The following FANCL variants were observed in gnomAD, a reference collection of about 807,000 sequenced individuals.
FANCL encodes the protein FA complementation group L.
In FANCL, 69 loss-of-function variants were observed where a neutral mutation model predicts 59.4. That is an observed-to-expected ratio of 1.16 (90% CI 0.96 to 1.42). FANCL has a LOEUF of 1.42. Ranked by LOEUF, FANCL falls within the 40% of genes most tolerant of loss-of-function variation. FANCL has a pLI of 0.00. For missense variants in FANCL, 519 were observed against 447.2 expected, an observed-to-expected ratio of 1.16 and a Z score of -1.45; for synonymous variants, 180 against 147.1, an observed-to-expected ratio of 1.22 and a Z score of -1.62.
intron 5 of FANCL, among the ~76,000 whole-genome samples, chr2:58,217,592 G>A (rs1424899035): frequency 6.6e-6 from 1 of 151,856 alleles, no homozygotes; most frequent in African/African-American, 2.4e-5. Flanking sequence ...TATTTCTAGA[G>A]ATGAAAAGAA....
At chr2:58,168,743 G>A (rs1686219436) in intron 7 of FANCL, among the ~76,000 whole-genome samples, 1 of 152,018 alleles carries the variant, frequency 6.6e-6, no homozygotes, top group African/African-American at 2.4e-5. Context: ...GTAGACCTGG[G>A]GCACTCAAGC....
chr2:58,183,027 G>T (rs749783345), intron 7 of FANCL, among the ~76,000 whole-genome samples: 5 of 151,746 alleles, frequency 3.3e-5, no homozygotes, highest in African/African-American at 4.8e-5. Flanking sequence ...CTTCTTAGAA[G>T]AGAGTAAATG....
At chr2:58,217,153 A>T (rs1204299830) in intron 5 of FANCL, among the ~76,000 whole-genome samples, 1 of 88,312 alleles carries the variant, frequency 1.1e-5, no homozygotes, top group African/African-American at 3.3e-5. Flanking sequence ...ATTTATATAT[A>T]TATTTATATA....
At chr2:58,189,027 A>G (rs937795184) in intron 7 of FANCL, among the ~76,000 whole-genome samples, 13 of 152,228 alleles carry the variant, frequency 8.5e-5, no homozygotes, top group African/African-American at 2.4e-4. Context: ...GAATTATATA[A>G]GATTCTGTAA....
intron 5 of FANCL, among the ~76,000 whole-genome samples, chr2:58,210,467 TG>T (rs753147862): frequency 2.5e-4 from 38 of 152,298 alleles, no homozygotes; most frequent in Middle Eastern, 3.4e-3. Flanking sequence ...AGATGAGACT[TG>T]GGTAGGGACA....
chr2:58,161,667 G>C (rs374093014), intron 11 of FANCL, 29 bp from the exon 12 acceptor site: 3 of 1,427,708 alleles, frequency 2.1e-6, no homozygotes, highest in Non-Finnish European at 3.0e-6. Flanking sequence ...TATAAAAAGC[G>C]TATGTGTCTC....
chr2:58,235,262 T>C (rs754730197), intron 1 of FANCL, among the ~76,000 whole-genome samples: 4 of 151,856 alleles, frequency 2.6e-5, no homozygotes, highest in African/African-American at 9.7e-5. Flanking sequence ...TCCATGGATA[T>C]GAGGAAAACA....
At chr2:58,229,464 C>A (rs1294211960) in intron 3 of FANCL, among the ~76,000 whole-genome samples, 2 of 152,066 alleles carry the variant, frequency 1.3e-5, no homozygotes, top group African/African-American at 2.4e-5. Context: ...GACTAAAATC[C>A]CATTTTTGCC....
intron 5 of FANCL, among the ~76,000 whole-genome samples, chr2:58,214,025 A>C (rs1023904753): frequency 1.1e-4 from 17 of 152,172 alleles, no homozygotes; most frequent in African/African-American, 3.9e-4. Context: ...CCCTGTCTAT[A>C]TACACTTGTT....
chr2:58,159,887 G>T (rs767861553), intron 13 of FANCL, 87 bp from the exon 14 acceptor site: 3 of 1,585,636 alleles, frequency 1.9e-6, no homozygotes, highest in African/African-American at 1.4e-5. Flanking sequence ...TCATAGAATA[G>T]TGTCATAGTA....
At chr2:58,223,627 C>T (rs971277689) in intron 4 of FANCL, among the ~76,000 whole-genome samples, 6 of 151,910 alleles carry the variant, frequency 3.9e-5, no homozygotes, top group South Asian at 2.1e-4. Context: ...AGGTACATAG[C>T]GGAAAGGCTT....
At position 58,198,623 on chromosome 2, in the gene FANCL, C is replaced by G. The variant is rs1268184066; in HGVS notation, c.511G>C (p.Val171Leu). ...ESPDYFVDFP[V>L]PFCASWTPQS... ...GGTGTCCAGGAGGCACAAAATGGAACAGGAAAATCCACAAAATAATCTGGT... is the reference window on the plus strand; with the variant it reads ...GGTGTCCAGGAGGCACAAAATGGAAGAGGAAAATCCACAAAATAATCTGGT... Residue 171 changes from valine to leucine, a missense_variant, in exon 7 of 14, where the codon GTT (valine) becomes CTT (leucine). Physicochemically the swap from Val to Leu is conservative, Grantham distance 32. Transcript: ENST00000233741. 6.2e-7 allele frequency: 1 copy of G among 1,613,880 alleles called. No individual in the cohort carries two copies. Among genetic ancestry groups the G allele is most frequent in the Non-Finnish European group, 8.5e-7 (1 of 1,179,886 alleles).
At chr2:58,234,860 T>G (rs1573831848) in intron 1 of FANCL, among the ~76,000 whole-genome samples, 1 of 152,076 alleles carries the variant, frequency 6.6e-6, no homozygotes, top group African/African-American at 2.4e-5. Flanking sequence ...CTAGCTATTA[T>G]GGAGTTAAAA....
intron 7 of FANCL, among the ~76,000 whole-genome samples, chr2:58,187,245 A>G (rs1027153744): frequency 6.6e-6 from 1 of 152,144 alleles, no homozygotes; most frequent in Non-Finnish European, 1.5e-5. Flanking sequence ...ATAAAAAAGG[A>G]TGAGTACATG....
intron 7 of FANCL, among the ~76,000 whole-genome samples, chr2:58,177,870 G>T (rs1050936242): frequency 2.7e-5 from 4 of 148,054 alleles, no homozygotes; most frequent in African/African-American, 7.5e-5. Context: ...AAAGAGAGAA[G>T]AATCAAATAG....
chr2:58,183,522 T>C (rs924970079), intron 7 of FANCL, among the ~76,000 whole-genome samples: 5 of 151,928 alleles, frequency 3.3e-5, no homozygotes, highest in Non-Finnish European at 7.4e-5. Flanking sequence ...TCCATGCTCT[T>C]AATCCACTGC....
chr2:58,189,343 A>G (rs1573636711), intron 7 of FANCL, among the ~76,000 whole-genome samples: 2 of 152,352 alleles, frequency 1.3e-5, no homozygotes, highest in Admixed American at 1.3e-4. Flanking sequence ...GTAGATGTGT[A>G]GAAACTAACA....
At chr2:58,236,182 G>A (rs1022441669) in intron 1 of FANCL, among the ~76,000 whole-genome samples, 1 of 151,548 alleles carries the variant, frequency 6.6e-6, no homozygotes, top group African/African-American at 2.4e-5. Flanking sequence ...CTACACCAAG[G>A]TACAACACAC....
At chr2:58,227,682 C>CT (rs1233801640) in intron 3 of FANCL, among the ~76,000 whole-genome samples, 1 of 152,122 alleles carries the variant, frequency 6.6e-6, no homozygotes, top group Non-Finnish European at 1.5e-5. Flanking sequence ...TGTGTGCCTG[C>CT]TAGGGTCTCG....
Sources: gnomAD v4.1 joint callset for allele counts (sites outside exome capture counted in the v4.1 genomes callset) on GRCh38, gnomAD v4.1.1 for gene constraint, MANE v1.5 for transcripts, NCBI Gene and HGNC (gene_info 2026-07-23, HGNC 2026-07-21) for gene names.